Variants in DNER observed in about 807,000 individuals in gnomAD.
DNER encodes delta and Notch-like epidermal growth factor-related receptor.
DNER carries 33 observed loss-of-function variants against 78.2 expected under a neutral mutation model. The observed-to-expected ratio is 0.42, with a 90% CI of 0.32 to 0.56. DNER has a LOEUF of 0.56. DNER is among the 20% of genes least tolerant of loss of function. DNER has a pLI of 0.11. For synonymous variants in DNER, 417 were observed against 384.8 expected (o/e 1.08, Z -0.98); for missense variants, 918 against 975.3 (o/e 0.94, Z 0.78).
intron 6 of DNER, among the ~76,000 whole-genome samples, chr2:229,485,158 G>A (rs918216998): frequency 3.3e-5 from 5 of 152,202 alleles, no homozygotes; most frequent in African/African-American, 2.4e-5. Flanking sequence ...AAAGATAGAA[G>A]AAAAGTTGTG....
chr2:229,377,018 A>G (rs1692619583), intron 11 of DNER, among the ~76,000 whole-genome samples: 1 of 152,174 alleles, frequency 6.6e-6, no homozygotes, highest in Admixed American at 6.5e-5. Context: ...TGGCCCCAGG[A>G]TGAGTTACTT....
chr2:229,440,891 C>T (rs1694219942), intron 8 of DNER, among the ~76,000 whole-genome samples: 2 of 152,196 alleles, frequency 1.3e-5, no homozygotes, highest in Non-Finnish European at 2.9e-5. Context: ...AAGTTCATGC[C>T]TTTATTTCTA....
In DNER at chr2:229,483,624, G is replaced by A. The variant is rs140055245; in HGVS notation, c.1148-6371C>T. Among the ~76,000 whole-genome samples, 981 of 152,274 alleles carry A rather than the reference G, an allele frequency of 6.4e-3. 8 individuals are homozygous for A. Among genetic ancestry groups the A allele is most frequent in the African/African-American group, 0.023 (949 of 41,546 alleles). The stretch of plus-strand genomic sequence containing the variant: ...TTAAGTTTACTTCTCACAAGGGAAC[G>A]CATACAAAAGATAATTTCAAATAGT... On this transcript the variant is annotated intron_variant, in intron 6 of 12. Transcript: ENST00000341772.
At position 229,357,794 on chromosome 2, in the gene DNER, T is replaced by A. The variant is rs1299940744; in HGVS notation, c.*746A>T. On this transcript the variant is annotated 3_prime_UTR_variant, in exon 13 of 13. Transcript: ENST00000341772. ...CCAGTACTCTCTTACATTTACTACC[T>A]CTTAGCAACAAACAACTCAAATGTA... is the stretch of plus-strand genomic sequence containing the variant. 1.3e-5 allele frequency: 2 copies of A among 152,216 alleles called. No individual in the cohort carries two copies. Among genetic ancestry groups the A allele is most frequent in the Non-Finnish European group, 2.9e-5 (2 of 68,040 alleles). 9.4% of individuals were successfully genotyped at this position (152,216 alleles called of 1,614,324 possible).
chr2:229,366,472 T>C (rs572577748), intron 12 of DNER, among the ~76,000 whole-genome samples: 10 of 152,236 alleles, frequency 6.6e-5, no homozygotes, highest in Non-Finnish European at 1.5e-4. Context: ...GATAGCTCTT[T>C]ATCCTTCTTT....
intron 12 of DNER, among the ~76,000 whole-genome samples, chr2:229,358,952 T>G (rs1281637479): frequency 6.6e-6 from 1 of 152,156 alleles, no homozygotes; most frequent in Non-Finnish European, 1.5e-5. Flanking sequence ...TAAGAAAATG[T>G]GTATTGATTT....
At chr2:229,411,954 T>A (rs1427293518) in intron 9 of DNER, among the ~76,000 whole-genome samples, 1 of 152,202 alleles carries the variant, frequency 6.6e-6, no homozygotes, top group Non-Finnish European at 1.5e-5. Context: ...TGAGTAATTA[T>A]GAATTTTCTC....
intron 7 of DNER, among the ~76,000 whole-genome samples, chr2:229,449,665 G>A (rs540864748): frequency 1.2e-3 from 179 of 152,252 alleles, no homozygotes; most frequent in Non-Finnish European, 2.2e-3. Context: ...AAGAAATTCA[G>A]GCTCATGATA....
chr2:229,599,741 A>G (rs79053853), intron 1 of DNER, among the ~76,000 whole-genome samples: 4,661 of 152,352 alleles, frequency 0.031, 216 homozygotes, highest in African/African-American at 0.097. Flanking sequence ...TTATAGAAAG[A>G]ATTTTTAGGA....
Position 229,407,335 on chromosome 2 carries a change from A to G in DNER, c.1620T>C (p.Cys540=), listed in dbSNP as rs188966302. The G allele has an allele frequency of 6.2e-7, 1 of 1,613,286 alleles. No individual in the cohort carries two copies. Among genetic ancestry groups the G allele is most frequent in the Admixed American group, 1.7e-5 (1 of 60,006 alleles). ...VCLAEYKGTH[C]ELYKDPCANV... is the part of the protein sequence containing the mutation. The stretch of plus-strand genomic sequence containing the variant: ...TAGCGCAGGGATCCTTGTACAATTC[A>G]CAGTGTGTTCCTGCAGAGAAACAAG... The change falls in exon 10 of 13, where the codon TGT becomes TGC. Residue 540 remains cysteine, a synonymous_variant. Coordinates refer to ENST00000341772, the MANE Select transcript of DNER (RefSeq NM_139072.4).
intron 5 of DNER, among the ~76,000 whole-genome samples, chr2:229,545,107 A>G (rs950257375): frequency 6.6e-6 from 1 of 152,212 alleles, no homozygotes; most frequent in African/African-American, 2.4e-5. Flanking sequence ...ATTAACTCCA[A>G]TAGAAATATG....
intron 12 of DNER, among the ~76,000 whole-genome samples, chr2:229,366,239 G>A (rs1692344209): frequency 1.3e-5 from 2 of 152,176 alleles, no homozygotes; most frequent in Non-Finnish European, 2.9e-5. Flanking sequence ...GACTCTCCAA[G>A]GAGGGAGAGT....
In DNER at chr2:229,546,878, C is replaced by G. The variant is rs978144270; in HGVS notation, c.993+69G>C. On this transcript the variant is annotated intron_variant, in intron 5 of 12. Transcript: ENST00000341772. Reference sequence around the variant, plus strand: ...TGAAAGGGGTAAGAACACACACATACTTATGTATTTATTCAGGTAAATATT... The same window carrying G: ...TGAAAGGGGTAAGAACACACACATAGTTATGTATTTATTCAGGTAAATATT... The G allele has an allele frequency of 4.3e-5, 68 of 1,594,484 alleles. No individual in the cohort carries two copies. In the Middle Eastern group the frequency reaches 1.0e-3, roughly 24 times the overall value.
chr2:229,413,650 A>G (rs551458382), intron 9 of DNER, among the ~76,000 whole-genome samples: 22 of 151,060 alleles, frequency 1.5e-4, no homozygotes, highest in Admixed American at 3.3e-4. Flanking sequence ...GTTCTTAGCT[A>G]TATATTTGGC....
At chr2:229,641,746 A>G (rs1334445643) in intron 1 of DNER, among the ~76,000 whole-genome samples, 2 of 152,314 alleles carry the variant, frequency 1.3e-5, no homozygotes, top group South Asian at 4.1e-4. Flanking sequence ...AAGGAAAAAC[A>G]TGAAGACAAC....
At chr2:229,441,652 T>G (rs576646036) in intron 8 of DNER, among the ~76,000 whole-genome samples, 19 of 152,296 alleles carry the variant, frequency 1.2e-4, no homozygotes, top group African/African-American at 4.6e-4. Flanking sequence ...CACTAAGAAC[T>G]GAGAGAAAGT....
At chr2:229,463,154 G>A (rs191971443) in intron 7 of DNER, among the ~76,000 whole-genome samples, 1 of 152,192 alleles carries the variant, frequency 6.6e-6, no homozygotes, top group East Asian at 1.9e-4. Context: ...GGAGGAACCA[G>A]GTTCTTTCCT....
chr2:229,708,637 C>T (rs1699864500), intron 1 of DNER, among the ~76,000 whole-genome samples: 1 of 152,176 alleles, frequency 6.6e-6, no homozygotes, highest in Non-Finnish European at 1.5e-5. Context: ...AAATACCCTT[C>T]AAATTCAGAC....
At chr2:229,412,409 C>G (rs986920928) in intron 9 of DNER, among the ~76,000 whole-genome samples, 1 of 152,112 alleles carries the variant, frequency 6.6e-6, no homozygotes, top group African/African-American at 2.4e-5. Flanking sequence ...TGCGAGCCAC[C>G]ATAGTAAGAG....
Sources: allele counts gnomAD v4.1 joint callset (sites outside exome capture counted in the v4.1 genomes callset), GRCh38; gene constraint gnomAD v4.1.1; transcripts MANE v1.5; gene names NCBI Gene and HGNC (gene_info 2026-07-23, HGNC 2026-07-21).